The following ATG101 variants were observed in gnomAD, a reference collection of about 807,000 sequenced individuals.
ATG101 encodes the protein autophagy related 101.
ATG101 carries 6 observed loss-of-function variants against 16.7 expected under a neutral mutation model. That is an observed-to-expected ratio of 0.36 (90% confidence interval 0.20 to 0.71). ATG101 has a LOEUF of 0.71. Ranked by LOEUF, ATG101 falls within the 30% of genes least tolerant of loss-of-function variation. The pLI, the probability that ATG101 is intolerant of heterozygous loss-of-function variation, is 0.57. For synonymous variants in ATG101, 108 were observed against 118.1 expected (o/e 0.91, Z 0.56); for missense variants, 200 against 292.5 (o/e 0.68, Z 2.31).
At chr12:52,066,747 A>G (rs1001379833), upstream of ATG101, among the ~76,000 whole-genome samples, 3 of 151,622 alleles carry the variant, frequency 2.0e-5, no homozygotes, top group Non-Finnish European at 4.4e-5. Context: ...GGTAGTAGTG[A>G]TGATGATGAT....
chr12:52,071,932 G>A lies in ATG101; in HGVS notation c.-77+1449G>A, dbSNP rs1485356749. ...GCAAGCTGAATACTCTGAGTTATAA[G>A]GAACTTGAAGCTCCCTCTCCCTCTG... is the stretch of plus-strand genomic sequence containing the variant. On this transcript the variant is annotated intron_variant, in intron 2 of 3. Transcript: ENST00000336854. 3.3e-5 allele frequency among the ~76,000 whole-genome samples: 5 copies of A among 152,282 alleles called. No homozygotes were observed. In the East Asian group the frequency reaches 5.8e-4, roughly 18 times the overall value.
intron 3 of ATG101, among the ~76,000 whole-genome samples, chr12:52,075,409 A>T (rs1015167224): frequency 6.6e-6 from 1 of 152,202 alleles, no homozygotes; most frequent in African/African-American, 2.4e-5. Flanking sequence ...TGCAATAATA[A>T]TCTTGCTTAC....
intron 3 of ATG101, among the ~76,000 whole-genome samples, chr12:52,074,130 TG>T (rs1322448174): frequency 2.6e-5 from 4 of 152,188 alleles, no homozygotes; most frequent in Non-Finnish European, 5.9e-5. Context: ...TAAATGTGCC[TG>T]GGGGAAAAGG....
upstream of ATG101, among the ~76,000 whole-genome samples, chr12:52,068,309 C>T (rs1939571372): frequency 6.6e-6 from 1 of 151,708 alleles, no homozygotes; most frequent in South Asian, 2.1e-4. Context: ...CAGCCTCGAC[C>T]TCCCAAAGTA....
rs1592317547 is a variant in ATG101, at chr12:52,073,818, C to T, written c.168C>T (p.Asp56=). The T allele has an allele frequency of 6.2e-7, 1 of 1,614,254 alleles. No homozygotes were observed. The highest frequency in any genetic ancestry group is 8.5e-7 in the Non-Finnish European group (1 of 1,180,040). Residue 56 remains aspartate, a synonymous_variant, in exon 3 of 4, where the codon GAC becomes GAT. Coordinates refer to ENST00000336854, the MANE Select transcript of ATG101 (RefSeq NM_021934.5). ...SIGTVGTQDV[D]CDFIDFTYVR... ...GCACCGTGGGCACCCAGGATGTTGA[C>T]TGTGACTTCATCGACTTCACTTATG...
chr12:52,068,855 G>A (rs1283731464), upstream of ATG101, among the ~76,000 whole-genome samples: 1 of 151,780 alleles, frequency 6.6e-6, no homozygotes, highest in Non-Finnish European at 1.5e-5. Flanking sequence ...GCCGGGCGTG[G>A]TGGTGGGCGC....
intron 3 of ATG101, 82 bp downstream of exon 3, chr12:52,073,984 G>C (rs1346689273): frequency 1.3e-6 from 2 of 1,553,076 alleles, no homozygotes; most frequent in African/African-American, 1.4e-5. Context: ...ACTCCAGCTT[G>C]GTGTTGAACC....
At chr12:52,074,791 T>A (rs1170243117) in intron 3 of ATG101, among the ~76,000 whole-genome samples, 1 of 152,142 alleles carries the variant, frequency 6.6e-6, no homozygotes, top group Non-Finnish European at 1.5e-5. Flanking sequence ...AAACTCCGTC[T>A]CTACAGAAAA....
At chr12:52,066,340 G>C (rs1305443505), upstream of ATG101, among the ~76,000 whole-genome samples, 1 of 152,180 alleles carries the variant, frequency 6.6e-6, no homozygotes, top group African/African-American at 2.4e-5. Context: ...AGACAGTCAG[G>C]CAGGAGTTCC....
rs536602051 is a variant in ATG101, at chr12:52,074,054, T to G, written c.252+152T>G. 1.7e-5 allele frequency: 20 copies of G among 1,211,608 alleles called. No individual in the cohort carries two copies. The African/African-American group carries it at 2.7e-4, about 16-fold the overall frequency. 75.1% of individuals were successfully genotyped at this position (1,211,608 alleles called of 1,614,324 possible). On this transcript the variant is annotated intron_variant, in intron 3 of 3. Coordinates refer to ENST00000336854, the MANE Select transcript of ATG101 (RefSeq NM_021934.5). ...TTCAGGTTCTGAGAAACAGATGTGTTGAGAGCTCCTCTTCAGGGGAGGGCG... is the reference window on the plus strand; with the variant it reads ...TTCAGGTTCTGAGAAACAGATGTGTGGAGAGCTCCTCTTCAGGGGAGGGCG...
At chr12:52,073,039 GGATTA>G (rs1159030479) in intron 2 of ATG101, among the ~76,000 whole-genome samples, 1 of 152,106 alleles carries the variant, frequency 6.6e-6, no homozygotes, top group Non-Finnish European at 1.5e-5. Flanking sequence ...CAAGTTGCTG[GGATTA>G]ATGTGAGCCA....
rs1939689190 is a variant in ATG101, at chr12:52,073,849, G to A, written c.199G>A (p.Val67Ile). The change falls in exon 3 of 4, where the codon GTC becomes ATC. Residue 67 changes from valine to isoleucine, a missense_variant. Val to Ile is a conservative substitution (Grantham distance 29). Transcript: ENST00000336854. ...CDFIDFTYVR[V>I]SSEELDRALR... is the part of the protein sequence containing the mutation. ...CTTCATCGACTTCACTTATGTGCGT[G>A]TCTCTTCTGAGGAACTGGATCGTGC... 1 of 1,614,098 alleles carries A rather than the reference G, an allele frequency of 6.2e-7. No individual in the cohort carries two copies.
At chr12:52,071,158 A>G (rs1463498195) in intron 2 of ATG101, 2 of 149,718 alleles carry the variant, frequency 1.3e-5, no homozygotes, top group African/African-American at 2.6e-5. Context: ...GCTGATCGCC[A>G]GCTGAGAGGC....
rs977124736 is a variant in ATG101 at position 52,077,227 on chromosome 12, C to T, written c.*37C>T. ...TCTCTGGGAGCTCCTTGATGGCTCC[C>T]AGACCTTGGCTTTTGGGAATTGCAC... On this transcript the variant is annotated 3_prime_UTR_variant, in exon 4 of 4. Coordinates refer to ENST00000336854, the MANE Select transcript of ATG101 (RefSeq NM_021934.5). 1.3e-6 allele frequency: 2 copies of T among 1,591,182 alleles called. No individual in the cohort carries two copies. The highest frequency in any genetic ancestry group is 1.7e-6 in the Non-Finnish European group (2 of 1,166,440).
chr12:52,074,030 T>G, intron 3 of ATG101, 128 bp downstream of exon 3: 1 of 1,365,454 alleles, frequency 7.3e-7, no homozygotes, highest in Non-Finnish European at 1.0e-6. Flanking sequence ...TCGGGTTCTT[T>G]CAGGTTCTGA....
rs1939751678 is a variant in ATG101 at position 52,077,402 on chromosome 12, C to T, written c.*212C>T. On this transcript the variant is annotated 3_prime_UTR_variant, in exon 4 of 4. Coordinates refer to ENST00000336854, the MANE Select transcript of ATG101 (RefSeq NM_021934.5). ...GTTCAGTCCTGCCTCTACTGTCTCT[C>T]CATAGCCCTGGTGGGGTCCCCCTTC... 3.3e-6 allele frequency: 2 copies of T among 610,576 alleles called. No homozygotes were observed. Among genetic ancestry groups the T allele is most frequent in the Non-Finnish European group, 5.7e-6 (2 of 352,350 alleles). The allele number at this position is 610,576 out of a possible 1,614,324, so 37.8% of individuals were successfully genotyped here. A position where few individuals can be genotyped will look rare whatever the true frequency, so the allele number is the denominator to read the frequency against.
upstream of ATG101, among the ~76,000 whole-genome samples, chr12:52,065,331 T>A (rs1191552049): frequency 6.6e-6 from 1 of 152,198 alleles, no homozygotes; most frequent in Non-Finnish European, 1.5e-5. Context: ...GACTCTGAGC[T>A]CCCAGAGGGC....
rs79975195 is a variant in ATG101, at chr12:52,076,738, G to A, written c.253-48G>A. ...GGGTGTGGGAAGCAGGCCCTCACAG[G>A]TGGGAACTCAGAGGCCTTGGCTTGC... is the stretch of plus-strand genomic sequence containing the variant. On this transcript the variant is annotated intron_variant, in intron 3 of 3. Coordinates refer to ENST00000336854, the MANE Select transcript of ATG101 (RefSeq NM_021934.5). 29 of 1,587,292 alleles carry A rather than the reference G, an allele frequency of 1.8e-5. No individual in the cohort carries two copies. In the African/African-American group the frequency reaches 3.2e-4, roughly 18 times the overall value.
intron 3 of ATG101, among the ~76,000 whole-genome samples, chr12:52,075,557 G>A (rs931740095): frequency 2.6e-5 from 4 of 152,222 alleles, no homozygotes; most frequent in Non-Finnish European, 5.9e-5. Flanking sequence ...GTGAAGGAAA[G>A]CCTCTTCCCT....
Sources: gnomAD v4.1 joint callset for allele counts (sites outside exome capture counted in the v4.1 genomes callset) on GRCh38, gnomAD v4.1.1 for gene constraint, MANE v1.5 for transcripts, NCBI Gene and HGNC (gene_info 2026-07-23, HGNC 2026-07-21) for gene names.